NT5C3A: variants seen among roughly 807,000 people sequenced by gnomAD.
NT5C3A encodes the protein cytosolic 5'-nucleotidase 3A.
A neutral mutation model predicts 40.0 loss-of-function variants in NT5C3A; 23 were observed. The observed-to-expected ratio is 0.58, with a 90% CI of 0.41 to 0.81. The LOEUF (loss-of-function observed/expected upper bound fraction) is 0.81, where lower values mean the gene tolerates loss of function less well. Ranked by LOEUF, NT5C3A falls within the 40% of genes least tolerant of loss-of-function variation. NT5C3A has a pLI of 0.00. For synonymous variants in NT5C3A, 130 were observed against 141.4 expected (o/e 0.92, Z 0.57); for missense variants, 328 against 403.0 (o/e 0.81, Z 1.59).
chr7:33,032,884 G>T (rs1786362236), intron 1 of NT5C3A, among the ~76,000 whole-genome samples: 1 of 152,132 alleles, frequency 6.6e-6, no homozygotes, highest in Non-Finnish European at 1.5e-5. Flanking sequence ...CTCCAGAGTA[G>T]CTGGGACTAC....
intron 1 of NT5C3A, among the ~76,000 whole-genome samples, chr7:33,039,561 TG>T (rs201896889): frequency 0.019 from 2,588 of 138,870 alleles, 187 homozygotes; most frequent in African/African-American, 0.061. Flanking sequence ...TTGGGTTTTT[TG>T]TTTTTTTTTT....
At chr7:33,052,236 C>T (rs558096888) in intron 1 of NT5C3A, among the ~76,000 whole-genome samples, 1 of 151,704 alleles carries the variant, frequency 6.6e-6, no homozygotes, top group Admixed American at 6.6e-5. Flanking sequence ...GTAATCCAAG[C>T]ACTTTGGGAG....
At chr7:33,038,221 T>C (rs1786714216) in intron 1 of NT5C3A, among the ~76,000 whole-genome samples, 1 of 151,982 alleles carries the variant, frequency 6.6e-6, no homozygotes, top group Non-Finnish European at 1.5e-5. Context: ...CCGCATAATC[T>C]GTGAAACATT....
intron 1 of NT5C3A, among the ~76,000 whole-genome samples, chr7:33,059,341 G>A (rs1238596635): frequency 6.6e-6 from 1 of 152,094 alleles, no homozygotes; most frequent in Non-Finnish European, 1.5e-5. Context: ...TTTCTAGTTG[G>A]TCATTCCTTG....
At chr7:33,060,403 G>C (rs1450253185) in intron 1 of NT5C3A, among the ~76,000 whole-genome samples, 1 of 102,956 alleles carries the variant, frequency 9.7e-6, no homozygotes, top group East Asian at 2.8e-4. Context: ...TTTGAGACAG[G>C]GTTCTCCCAC....
At position 33,054,734 on chromosome 7, in the gene NT5C3A, C is replaced by A. The variant is rs1787502568; in HGVS notation, c.138+7834G>T. 2.6e-5 allele frequency among the ~76,000 whole-genome samples: 4 copies of A among 152,144 alleles called. No homozygotes were observed. In the South Asian group the frequency reaches 8.3e-4, roughly 32 times the overall value. ...CTAAAACAAATTTGTGTACTCTTAA[C>A]CATCAGAAAGCAAAGGTGTCAATAT... On this transcript the variant is annotated intron_variant, in intron 1 of 8. Transcript: ENST00000610140.
intron 1 of NT5C3A, chr7:33,040,813 A>G (rs1020486138): frequency 8.3e-6 from 7 of 848,334 alleles, no homozygotes; most frequent in East Asian, 1.2e-4. Flanking sequence ...ATAGAATCAA[A>G]TAAGAATCAC....
At chr7:33,046,770 CAT>C (rs1787173323) in intron 1 of NT5C3A, among the ~76,000 whole-genome samples, 1 of 151,042 alleles carries the variant, frequency 6.6e-6, no homozygotes, top group Admixed American at 6.6e-5. Context: ...TTTCAAATGC[CAT>C]ATGTTTGAAT....
intron 1 of NT5C3A, among the ~76,000 whole-genome samples, chr7:33,049,186 TATTA>T (rs990854323): frequency 9.2e-5 from 14 of 152,026 alleles, no homozygotes; most frequent in African/African-American, 3.4e-4. Flanking sequence ...ACATATTCTT[TATTA>T]ATTATTATTA....
chr7:33,042,171 T>C (rs984173285), intron 1 of NT5C3A, among the ~76,000 whole-genome samples: 2 of 152,052 alleles, frequency 1.3e-5, no homozygotes, highest in Non-Finnish European at 2.9e-5. Context: ...ACCCCATCTC[T>C]ACCAAAAATA....
At chr7:33,032,440 A>AAAAAAAT (rs1235238078) in intron 1 of NT5C3A, among the ~76,000 whole-genome samples, 2 of 149,586 alleles carry the variant, frequency 1.3e-5, no homozygotes, top group African/African-American at 2.5e-5. Flanking sequence ...AAAAAAAAAA[A>AAAAAAAT]AATTTACTTT....
chr7:33,049,771 CATCCTGGCTAACACG>C (rs1787290167), intron 1 of NT5C3A, among the ~76,000 whole-genome samples: 1 of 151,802 alleles, frequency 6.6e-6, no homozygotes, highest in Non-Finnish European at 1.5e-5. Context: ...AGATCGAGAC[CATCCTGGCTAACACG>C]GTGAAACCCC....
rs969595389 is a variant in NT5C3A at position 33,014,363 on chromosome 7, A to G, written c.*367T>C. On this transcript the variant is annotated 3_prime_UTR_variant, in exon 9 of 9. Coordinates refer to ENST00000610140, the MANE Select transcript of NT5C3A (RefSeq NM_001002010.5). ...AATGGCAATACTTAAAATCATGCAT[A>G]TTATTTCACCATTTCATAAAACTTA... is the stretch of plus-strand genomic sequence containing the variant. 3 of 455,288 alleles carry G rather than the reference A, an allele frequency of 6.6e-6. No individual in the cohort carries two copies. The highest frequency in any genetic ancestry group is 6.0e-5 in the African/African-American group (3 of 50,062). The allele number at this position is 455,288 out of a possible 1,614,324, so 28.2% of individuals were successfully genotyped here. A position where few individuals can be genotyped will look rare whatever the true frequency, so the allele number is the denominator to read the frequency against.
intron 1 of NT5C3A, among the ~76,000 whole-genome samples, chr7:33,028,899 TAAA>T (rs1786093582): frequency 6.6e-6 from 1 of 151,418 alleles, no homozygotes; most frequent in Non-Finnish European, 1.5e-5. Flanking sequence ...ACTGAAAACA[TAAA>T]AAATTAGCTG....
At chr7:33,040,127 T>C (rs1786841563) in intron 1 of NT5C3A, among the ~76,000 whole-genome samples, 1 of 152,134 alleles carries the variant, frequency 6.6e-6, no homozygotes, top group East Asian at 1.9e-4. Flanking sequence ...TGACAAGCAC[T>C]ACCCAGAGAT....
intron 1 of NT5C3A, among the ~76,000 whole-genome samples, chr7:33,030,275 T>C (rs993635740): frequency 1.6e-4 from 24 of 152,166 alleles, no homozygotes; most frequent in African/African-American, 5.8e-4. Flanking sequence ...ATCACATACT[T>C]TTTGTTGTGG....
chr7:33,032,245 G>T (rs1786307172), intron 1 of NT5C3A, among the ~76,000 whole-genome samples: 1 of 151,584 alleles, frequency 6.6e-6, no homozygotes, highest in Non-Finnish European at 1.5e-5. Flanking sequence ...GTAACATGGT[G>T]AAACCCCATC....
At chr7:33,056,156 G>A (rs1364764348) in intron 1 of NT5C3A, among the ~76,000 whole-genome samples, 1 of 151,808 alleles carries the variant, frequency 6.6e-6, no homozygotes, top group African/African-American at 2.4e-5. Flanking sequence ...AACCCTCAAG[G>A]AACATAAATA....
chr7:33,035,584 T>C (rs1786554393), intron 1 of NT5C3A, among the ~76,000 whole-genome samples: 1 of 152,160 alleles, frequency 6.6e-6, no homozygotes, highest in Non-Finnish European at 1.5e-5. Flanking sequence ...AAGTAAGTAT[T>C]TTAAAAATTT....
Sources: gnomAD v4.1 joint callset for allele counts (sites outside exome capture counted in the v4.1 genomes callset) on GRCh38, gnomAD v4.1.1 for gene constraint, MANE v1.5 for transcripts, NCBI Gene and HGNC (gene_info 2026-07-23, HGNC 2026-07-21) for gene names.